Variants in TLE3 observed in about 807,000 individuals in gnomAD.
TLE3 encodes TLE family member 3, transcriptional corepressor, also known as transducin-like enhancer protein 3.
TLE3 carries 14 observed loss-of-function variants against 93.0 expected under a neutral mutation model. The ratio of observed to expected loss-of-function variants is 0.15; its 90% CI spans 0.10 to 0.24. The LOEUF (loss-of-function observed/expected upper bound fraction) is 0.24, where lower values mean the gene tolerates loss of function less well. TLE3 is among the 10% of genes least tolerant of loss of function. The pLI is 1.00. For synonymous variants in TLE3, 451 were observed against 425.0 expected, an observed-to-expected ratio of 1.06 and a Z score of -0.75; for missense variants, 693 against 1,046.6, an observed-to-expected ratio of 0.66 and a Z score of 4.66.
rs1187420339 is a variant in TLE3, at chr15:70,057,553, T to C, written c.1157A>G (p.Tyr386Cys). 11 of 1,603,368 alleles carry C rather than the reference T, an allele frequency of 6.9e-6. No individual in the cohort carries two copies. The East Asian group carries it at 9.0e-5, about 13-fold the overall frequency. The change falls in exon 13 of 20, where the codon TAC becomes TGC. Residue 386 changes from tyrosine (Y) to cysteine (C), a missense_variant. Tyr to Cys is a radical substitution (Grantham distance 194). Coordinates refer to ENST00000451782, the MANE Select transcript of TLE3 (RefSeq NM_001105192.3). ...MNGSLTSPGA[Y>C]AGLHNIPPQM... ...GGGTGGGATGTTGTGGAGGCCGGCG[T>C]AGGCGCCAGGACTGGTGAGGGAGCC...
At chr15:70,095,977 G>T in intron 2 of TLE3, 184 bp downstream of exon 2, 2 of 765,720 alleles carry the variant, frequency 2.6e-6, no homozygotes, top group South Asian at 1.9e-5. Context: ...GCTGGGAGCC[G>T]GGCTGCTGCG....
chr15:70,077,564 A>G (rs1256772641), intron 4 of TLE3, among the ~76,000 whole-genome samples: 2 of 152,186 alleles, frequency 1.3e-5, no homozygotes, highest in African/African-American at 2.4e-5. Flanking sequence ...ACCCTTGGCC[A>G]CTAAAGAGGA....
At chr15:70,069,927 T>C (rs2057045543) in intron 6 of TLE3, among the ~76,000 whole-genome samples, 1 of 152,230 alleles carries the variant, frequency 6.6e-6, no homozygotes. Context: ...CAGAGCACAA[T>C]GTGCTCAAAC....
intron 12 of TLE3, 112 bp from the exon 13 acceptor site, chr15:70,057,770 G>GCT: frequency 7.3e-7 from 1 of 1,363,860 alleles, no homozygotes; most frequent in Non-Finnish European, 1.0e-6. Flanking sequence ...GCTCCAGGCA[G>GCT]TCCTCTCAGA....
At chr15:70,066,281 C>T in intron 6 of TLE3, 63 bp from the exon 7 acceptor site, 1 of 1,382,724 alleles carries the variant, frequency 7.2e-7, no homozygotes. Flanking sequence ...GTGGCCACCT[C>T]AGGAGGGAGG....
At chr15:70,066,259 G>A in intron 6 of TLE3, 41 bp from the exon 7 acceptor site, 1 of 1,446,422 alleles carries the variant, frequency 6.9e-7, no homozygotes, top group Non-Finnish European at 9.1e-7. Context: ...AGTTGGGGAG[G>A]GCAGGGGAGG....
rs1204144886 is a variant in TLE3, at chr15:70,096,921, G to GC, written c.-124dup. 1.2e-5 allele frequency: 13 copies of GC among 1,086,234 alleles called. No homozygotes were observed. The highest frequency in any genetic ancestry group is 2.6e-5 in the East Asian group (1 of 38,156). The allele number at this position is 1,086,234 out of a possible 1,614,324, so 67.3% of individuals were successfully genotyped here. ...CCGGGAAACCGAGAGCTCGCCCCCGGCCCCCCCAGCTCGTTCTCGCAGCGA... is the reference window on the plus strand; with the variant it reads ...CCGGGAAACCGAGAGCTCGCCCCCGGCCCCCCCCAGCTCGTTCTCGCAGCGA... On this transcript the variant is annotated 5_prime_UTR_variant, in exon 1 of 20. Coordinates refer to ENST00000451782, the MANE Select transcript of TLE3 (RefSeq NM_001105192.3).
intron 4 of TLE3, among the ~76,000 whole-genome samples, chr15:70,090,921 GATA>G (rs2058278409): frequency 6.6e-6 from 1 of 152,148 alleles, no homozygotes; most frequent in Non-Finnish European, 1.5e-5. Context: ...AGCCTGTTTG[GATA>G]ATAACACAGA....
chr15:70,055,259 C>A lies in TLE3; in HGVS notation c.1368G>T (p.Gln456His). ...SFHVSADGQM[Q>H]PVPFPHDALA... ...GGGCGTCGTGGGGGAAGGGCACGGG[C>A]TGCATCTGCCCATCAGCACTCACAT... is the stretch of plus-strand genomic sequence containing the variant. Residue 456 changes from glutamine to histidine, a missense_variant, in exon 15 of 20, where the codon CAG becomes CAT. Physicochemically the swap from Gln to His is conservative, Grantham distance 24. Transcript: ENST00000451782. 6.2e-7 allele frequency: 1 copy of A among 1,605,124 alleles called. No homozygotes were observed. Among genetic ancestry groups the A allele is most frequent in the Non-Finnish European group, 8.5e-7 (1 of 1,176,094 alleles).
rs746365780 is a variant in TLE3, at chr15:70,066,062, G to T, written c.529C>A (p.His177Asn). 1.3e-6 allele frequency: 2 copies of T among 1,572,772 alleles called. No homozygotes were observed. Among genetic ancestry groups the T allele is most frequent in the Non-Finnish European group, 1.7e-6 (2 of 1,154,488 alleles). Residue 177 changes from histidine (H) to asparagine (N), a missense_variant, in exon 7 of 20, where the codon CAT (histidine) becomes AAT (asparagine). By Grantham distance (68) the His-to-Asn change is moderately conservative. Transcript: ENST00000451782. ...TTCTTCTCATCCTTCACCGTCAGAT[G>T]GGCCTGGCTGCCCAGGGCGCCCAGT... ...LALGALGSQA[H>N]LTVKDEKNHH...
intron 4 of TLE3, among the ~76,000 whole-genome samples, chr15:70,078,933 T>C (rs1330767401): frequency 2.0e-5 from 3 of 152,012 alleles, no homozygotes; most frequent in African/African-American, 7.2e-5. Flanking sequence ...TCTCGGGAGT[T>C]GACAAAAAAG....
chr15:70,097,917 T>C lies in TLE3; in HGVS notation c.-1119A>G, dbSNP rs899475270. ...CGCGAGAGCAGTTCCAAATAGGGAC[T>C]GAAAAGTAACAAAATAATGTGGCAG... On this transcript the variant is annotated 5_prime_UTR_variant, in exon 1 of 20. Coordinates refer to ENST00000451782, the MANE Select transcript of TLE3 (RefSeq NM_001105192.3). The C allele has an allele frequency of 9.0e-5, 21 of 232,376 alleles. No homozygotes were observed. The highest frequency in any genetic ancestry group is 1.6e-4 in the Non-Finnish European group (19 of 120,132). The allele number at this position is 232,376 out of a possible 1,614,324, so 14.4% of individuals were successfully genotyped here.
chr15:70,051,234 C>G (rs901599032), intron 19 of TLE3, 157 bp downstream of exon 19: 16 of 644,898 alleles, frequency 2.5e-5, no homozygotes, highest in Non-Finnish European at 4.1e-5. Flanking sequence ...CCCAATCTTG[C>G]TCCCCTATCA....
rs377128024 is a variant in TLE3 at position 70,087,555 on chromosome 15, G to C, written c.234+6977C>G. The stretch of plus-strand genomic sequence containing the variant: ...GGTGGTGGCAGCAGCCAGAACACTG[G>C]ATCCTATCCTTCACACAGTGGGTGA... On this transcript the variant is annotated intron_variant, in intron 4 of 19. Transcript: ENST00000451782. Among the ~76,000 whole-genome samples, 4 of 152,332 alleles carry C rather than the reference G, an allele frequency of 2.6e-5. No homozygotes were observed. The South Asian group carries it at 6.2e-4, about 24-fold the overall frequency.
chr15:70,092,700 T>C (rs900187026), intron 4 of TLE3, among the ~76,000 whole-genome samples: 2 of 152,192 alleles, frequency 1.3e-5, no homozygotes, highest in Non-Finnish European at 2.9e-5. Flanking sequence ...CACCACCAAA[T>C]GCGTTAAGAT....
chr15:70,094,930 G>A (rs1235977454), intron 3 of TLE3: 4 of 227,888 alleles, frequency 1.8e-5, no homozygotes, highest in Admixed American at 1.6e-4. Context: ...GCACTGTGTC[G>A]AAGGCCTCTT....
At chr15:70,066,879 C>A in intron 6 of TLE3, 1 of 351,944 alleles carries the variant, frequency 2.8e-6, no homozygotes, top group Non-Finnish European at 5.8e-6. Flanking sequence ...AGCTCTGGCA[C>A]TTCCTAGCTG....
chr15:70,060,787 G>T (rs771374392), intron 8 of TLE3, 138 bp from the exon 9 acceptor site: 8 of 1,463,324 alleles, frequency 5.5e-6, no homozygotes, highest in Non-Finnish European at 7.4e-6. Context: ...CCTGCAGATC[G>T]TGGCTCCATC....
At chr15:70,086,204 C>T (rs902569316) in intron 4 of TLE3, among the ~76,000 whole-genome samples, 3 of 152,180 alleles carry the variant, frequency 2.0e-5, no homozygotes, top group Admixed American at 1.3e-4. Context: ...TACCTCACCC[C>T]CACCAGAGAG....
Sources: gnomAD v4.1 joint callset for allele counts (sites outside exome capture counted in the v4.1 genomes callset) on GRCh38, gnomAD v4.1.1 for gene constraint, MANE v1.5 for transcripts, NCBI Gene and HGNC (gene_info 2026-07-23, HGNC 2026-07-21) for gene names.